OBP2A: variants seen among roughly 807,000 people sequenced by gnomAD.
OBP2A encodes odorant binding protein 2A, also known as odorant-binding protein 2a.
OBP2A carries 15 observed loss-of-function variants against 21.9 expected under a neutral mutation model. That is an observed-to-expected ratio of 0.69 (90% CI 0.46 to 1.06). OBP2A has a LOEUF of 1.06. Ranked by LOEUF, OBP2A falls within the 50% of genes least tolerant of loss-of-function variation. The pLI, the probability that OBP2A is intolerant of heterozygous loss-of-function variation, is 0.00. For synonymous variants in OBP2A, 86 were observed against 91.8 expected, an observed-to-expected ratio of 0.94 and a Z score of 0.36; for missense variants, 192 against 220.1, an observed-to-expected ratio of 0.87 and a Z score of 0.81.
At chr9:135,549,656 C>G (rs1832069593) in intron 6 of OBP2A, 181 bp from the exon 7 acceptor site, 2 of 593,220 alleles carry the variant, frequency 3.4e-6, no homozygotes, top group Non-Finnish European at 6.0e-6. Context: ...TCCCCCCCAC[C>G]CACTCACCAA....
At position 135,546,845 on chromosome 9, in the gene OBP2A, G is replaced by C. The variant is rs754400835; in HGVS notation, c.140G>C (p.Arg47Thr). Residue 47 changes from arginine (R) to threonine (T), a missense_variant, in exon 2 of 7, where the codon AGG (arginine) becomes ACG (threonine). Arg to Thr is a moderately conservative substitution (Grantham distance 71, BLOSUM62 -1). Transcript: ENST00000371776. ...DKDFPEDRRP[R>T]KVSPVKVTAL... is the part of the protein sequence containing the mutation. ...GACTTTCCGGAGGACAGGAGGCCCA[G>C]GAAGGTGTCCCCAGTGAAGGTGACA... 6.2e-7 allele frequency: 1 copy of C among 1,613,730 alleles called. No individual in the cohort carries two copies. Among genetic ancestry groups the C allele is most frequent in the African/African-American group, 1.3e-5 (1 of 75,010 alleles).
In OBP2A at chr9:135,547,969, G is replaced by A. The variant is rs140270176; in HGVS notation, c.376G>A (p.Gly126Arg). The change falls in exon 4 of 7, where the codon GGA (glycine) becomes AGA (arginine). Residue 126 changes from glycine to arginine, a missense_variant. Gly to Arg is a moderately radical substitution (Grantham distance 125). Coordinates refer to ENST00000371776, the MANE Select transcript of OBP2A (RefSeq NM_014582.3). Reference sequence around the variant, plus strand: ...GCGCCGTGGGGGCCTGCGCTACATGGGAAAGCTTGTGGGTGAGGGGCCCGC... The same window carrying A: ...GCGCCGTGGGGGCCTGCGCTACATGAGAAAGCTTGTGGGTGAGGGGCCCGC... ...DQRRGGLRYM[G>R]KLVGRNPNTN... The A allele has an allele frequency of 2.9e-5, 46 of 1,608,878 alleles. No individual in the cohort carries two copies. The African/African-American group carries it at 4.9e-4, about 17-fold the overall frequency.
Position 135,547,944 on chromosome 9 carries a change from GC to G in OBP2A, c.352del (p.Arg118AlafsTer90), listed in dbSNP as rs1477662730. The G allele has an allele frequency of 2.5e-6, 4 of 1,613,240 alleles. No homozygotes were observed. The highest frequency in any genetic ancestry group is 3.4e-6 in the Non-Finnish European group (4 of 1,179,584). Reference sequence around the variant, plus strand: ...ACTACGTCTTTTACTGCAAAGACCAGCGCCGTGGGGGCCTGCGCTACATGGG... The same window carrying G: ...ACTACGTCTTTTACTGCAAAGACCAGGCCGTGGGGGCCTGCGCTACATGGG... ...DDYVFYCKDQ[R>X]RGGLRYMGKL... On this transcript the variant is annotated frameshift_variant, in exon 4 of 7. Coordinates refer to ENST00000371776, the MANE Select transcript of OBP2A (RefSeq NM_014582.3). LOFTEE classifies it high-confidence loss of function.
intron 5 of OBP2A, 86 bp downstream of exon 5, chr9:135,548,895 TC>T: frequency 7.3e-7 from 1 of 1,374,544 alleles, no homozygotes; most frequent in Non-Finnish European, 1.0e-6. Context: ...TCCTCCCATG[TC>T]CCCCGCATTC....
At chr9:135,546,723 G>T (rs1564238518) in intron 1 of OBP2A, 55 bp from the exon 2 acceptor site, 33 of 1,550,872 alleles carry the variant, frequency 2.1e-5, no homozygotes, top group Middle Eastern at 2.1e-4. Flanking sequence ...GAGTGCCAGG[G>T]TCAGAGTAGA....
chr9:135,548,329 G>A (rs1201309527), intron 4 of OBP2A, among the ~76,000 whole-genome samples: 1 of 152,144 alleles, frequency 6.6e-6, no homozygotes, highest in African/African-American at 2.4e-5. Flanking sequence ...GTGCCTCTGG[G>A]ACACAAGGTC....
At chr9:135,549,640 G>A in intron 6 of OBP2A, 197 bp from the exon 7 acceptor site, 5 of 593,574 alleles carry the variant, frequency 8.4e-6, no homozygotes, top group East Asian at 2.8e-5. Context: ...TCCCCACTCG[G>A]TCTACTCCCC....
intron 3 of OBP2A, 117 bp downstream of exon 3, chr9:135,547,365 A>G (rs1831968999): frequency 4.3e-6 from 5 of 1,175,664 alleles, no homozygotes; most frequent in South Asian, 3.9e-5. Context: ...GCCCACCTCC[A>G]AGGAGGGGCT....
At position 135,546,419 on chromosome 9, in the gene OBP2A, G is replaced by GCT. The variant is rs1165121986; in HGVS notation, c.72+168_72+169insTC. On this transcript the variant is annotated intron_variant, in intron 1 of 6. Coordinates refer to ENST00000371776, the MANE Select transcript of OBP2A (RefSeq NM_014582.3). Reference sequence around the variant, plus strand: ...TCCTATTGTTCCTCCAGCAGACACGGCCCCCCGAGGCCCAGGGCCGGAGCA... The same window carrying GCT: ...TCCTATTGTTCCTCCAGCAGACACGGCTCCCCCCGAGGCCCAGGGCCGGAGCA... Among the ~76,000 whole-genome samples, 832 of 86,426 alleles carry GCT rather than the reference G, an allele frequency of 9.6e-3. 1 individual carries two copies. Among genetic ancestry groups the GCT allele is most frequent in the African/African-American group, 0.032 (785 of 24,296 alleles). 56.7% of individuals were successfully genotyped at this position (86,426 alleles called of 152,430 possible). A position where few individuals can be genotyped will look rare whatever the true frequency, so the allele number is the denominator to read the frequency against.
rs1831952836 is a variant in OBP2A at position 135,546,993 on chromosome 9, C to A, written c.206+82C>A. 10 of 1,596,690 alleles carry A rather than the reference C, an allele frequency of 6.3e-6. 1 individual carries two copies. In the Middle Eastern group the frequency reaches 1.1e-3, roughly 181 times the overall value. ...CACCTGGTGCCCATTGCCCCATCCA[C>A]ATTTCGGGTGTTGGGAAGAGTCACC... On this transcript the variant is annotated intron_variant, in intron 2 of 6. Transcript: ENST00000371776.
chr9:135,548,621 G>C (rs1266203603), intron 4 of OBP2A, 87 bp from the exon 5 acceptor site: 7 of 1,586,182 alleles, frequency 4.4e-6, no homozygotes, highest in African/African-American at 4.0e-5. Context: ...CCTGATGCTG[G>C]GCCGTGGTCG....
chr9:135,549,174 G>A, intron 5 of OBP2A, 134 bp from the exon 6 acceptor site: 1 of 515,514 alleles, frequency 1.9e-6, no homozygotes, highest in South Asian at 2.1e-5. Flanking sequence ...TCCGCGCTCT[G>A]GGCTGCGATG....
At chr9:135,549,760 C>G (rs1832072950) in intron 6 of OBP2A, 77 bp from the exon 7 acceptor site, 1 of 974,590 alleles carries the variant, frequency 1.0e-6, no homozygotes, top group South Asian at 1.7e-5. Flanking sequence ...AGCTGCAGAG[C>G]CTGGGGAGGG....
In OBP2A at chr9:135,547,111, C is replaced by T. The variant is rs540666833; in HGVS notation, c.207-67C>T. 5.3e-6 allele frequency: 8 copies of T among 1,506,712 alleles called. No individual in the cohort carries two copies. The East Asian group carries it at 1.6e-4, about 30-fold the overall frequency. 93.3% of individuals were successfully genotyped at this position (1,506,712 alleles called of 1,614,324 possible). A position where few individuals can be genotyped will look rare whatever the true frequency, so the allele number is the denominator to read the frequency against. The stretch of plus-strand genomic sequence containing the variant: ...CAGGTTGCCGGGTCAGGGCCATGCA[C>T]CAGGTGAGCTGAGGATGGGCCAGGT... On this transcript the variant is annotated intron_variant, in intron 2 of 6. Coordinates refer to ENST00000371776, the MANE Select transcript of OBP2A (RefSeq NM_014582.3).
intron 5 of OBP2A, among the ~76,000 whole-genome samples, 179 bp downstream of exon 5, chr9:135,548,988 C>T (rs79288453): frequency 0.012 from 1,041 of 85,398 alleles, 58 homozygotes; most frequent in African/African-American, 0.042. Flanking sequence ...CTCTGGGCTG[C>T]GATGCGGTCT....
rs574104851 is a variant in OBP2A, at chr9:135,548,000, C to T, written c.388+19C>T. On this transcript the variant is annotated intron_variant, in intron 4 of 6. Coordinates refer to ENST00000371776, the MANE Select transcript of OBP2A (RefSeq NM_014582.3). ...CTTGTGGGTGAGGGGCCCGCTGGGG[C>T]CTGCATGTCCTGCCCCATGGTCTCT... 41 of 1,531,184 alleles carry T rather than the reference C, an allele frequency of 2.7e-5. No individual in the cohort carries two copies. In the East Asian group the frequency reaches 8.4e-4, roughly 31 times the overall value. The allele number at this position is 1,531,184 out of a possible 1,614,324, so 94.8% of individuals were successfully genotyped here.
intron 5 of OBP2A, 58 bp downstream of exon 5, chr9:135,548,867 T>A: frequency 6.3e-7 from 1 of 1,576,212 alleles, no homozygotes; most frequent in African/African-American, 1.3e-5. Flanking sequence ...TGATCTCCAG[T>A]GTCCCATGAC....
intron 4 of OBP2A, among the ~76,000 whole-genome samples, chr9:135,548,467 G>A (rs79970360): frequency 0.21 from 31,284 of 151,258 alleles, 3,579 homozygotes; most frequent in Non-Finnish European, 0.26. Flanking sequence ...GGCGGTGGCC[G>A]TCTCCTCTGT....
chr9:135,546,951 G>A (rs113355120), intron 2 of OBP2A, 40 bp downstream of exon 2: 599 of 1,607,038 alleles, frequency 3.7e-4, no homozygotes, highest in African/African-American at 3.5e-3. Context: ...GGCCACTTTC[G>A]CTCCCCGCCC....
Sources: gnomAD v4.1 joint callset for allele counts (sites outside exome capture counted in the v4.1 genomes callset) on GRCh38, gnomAD v4.1.1 for gene constraint, MANE v1.5 for transcripts, NCBI Gene and HGNC (gene_info 2026-07-23, HGNC 2026-07-21) for gene names.